Variants in TWSG1 observed in about 807,000 individuals in gnomAD.
TWSG1 encodes the protein twisted gastrulation protein homolog 1.
A neutral mutation model predicts 23.0 loss-of-function variants in TWSG1; 15 were observed. That is an observed-to-expected ratio of 0.65 (90% CI 0.44 to 1.00). The LOEUF is 1.00. Among genes scored for constraint, TWSG1 ranks in the 50% least tolerant of loss-of-function variants. TWSG1 has a pLI of 0.00. For synonymous variants in TWSG1, 86 were observed against 92.8 expected (o/e 0.93, Z 0.42); for missense variants, 242 against 278.7 (o/e 0.87, Z 0.94).
chr18:9,399,273 C>T, intron 4 of TWSG1, 73 bp from the exon 5 acceptor site: 1 of 1,015,532 alleles, frequency 9.8e-7, no homozygotes, highest in Non-Finnish European at 1.4e-6. Context: ...TAATATTCAA[C>T]TAGGTAATAA....
At chr18:9,388,367 G>A (rs2040695378) in intron 3 of TWSG1, 1 of 152,198 alleles carries the variant, frequency 6.6e-6, no homozygotes, top group South Asian at 2.1e-4. Flanking sequence ...GAACAAGGAA[G>A]TCCTACCATA....
rs1491456878 is a variant in TWSG1, at chr18:9,344,490, C to CGTGTGTGTGT, written c.123+7138_123+7139insGTGTGTGTGT. On this transcript the variant is annotated intron_variant, in intron 2 of 4. Coordinates refer to ENST00000262120, the MANE Select transcript of TWSG1 (RefSeq NM_020648.6). ...CATCTTTTTATGTGCTTAGTGAATG[C>CGTGTGTGTGT]ATGTGTGTGTGTGTGTGTGTGTGTG... Among the ~76,000 whole-genome samples the CGTGTGTGTGT allele has an allele frequency of 3.4e-3, 386 of 112,892 alleles. 25 individuals carry two copies. Among genetic ancestry groups the CGTGTGTGTGT allele is most frequent in the East Asian group, 0.017 (62 of 3,724 alleles). 74.1% of individuals were successfully genotyped at this position (112,892 alleles called of 152,430 possible). A position where few individuals can be genotyped will look rare whatever the true frequency, so the allele number is the denominator to read the frequency against.
chr18:9,337,106 G>A, intron 1 of TWSG1, 87 bp from the exon 2 acceptor site: 1 of 1,161,928 alleles, frequency 8.6e-7, no homozygotes, highest in Non-Finnish European at 1.2e-6. Flanking sequence ...CAAACAATGA[G>A]TCTTAGTTTA....
intron 3 of TWSG1, among the ~76,000 whole-genome samples, chr18:9,382,307 G>C (rs922766530): frequency 3.3e-5 from 5 of 151,940 alleles, no homozygotes; most frequent in African/African-American, 9.7e-5. Context: ...GCAGATACTT[G>C]AAGCCAGGAG....
intron 3 of TWSG1, among the ~76,000 whole-genome samples, chr18:9,379,605 C>A (rs2040647170): frequency 6.6e-6 from 1 of 152,094 alleles, no homozygotes; most frequent in Non-Finnish European, 1.5e-5. Context: ...GTACACCAAA[C>A]CCCTGAATCA....
At chr18:9,343,518 A>G (rs975050112) in intron 2 of TWSG1, among the ~76,000 whole-genome samples, 3 of 152,090 alleles carry the variant, frequency 2.0e-5, no homozygotes, top group Middle Eastern at 3.2e-3. Context: ...CATCACCACA[A>G]TCTAATTTCA....
intron 3 of TWSG1, among the ~76,000 whole-genome samples, chr18:9,367,988 C>T (rs1055225523): frequency 6.6e-6 from 1 of 152,160 alleles, no homozygotes; most frequent in Non-Finnish European, 1.5e-5. Context: ...GTGCAAACAT[C>T]TCTTTGACAT....
At chr18:9,394,925 C>T (rs1036588009) in intron 3 of TWSG1, among the ~76,000 whole-genome samples, 4 of 152,134 alleles carry the variant, frequency 2.6e-5, no homozygotes, top group Non-Finnish European at 1.5e-5. Flanking sequence ...TACAGCCCTC[C>T]AAATCAGGAA....
intron 2 of TWSG1, among the ~76,000 whole-genome samples, chr18:9,349,174 C>G (rs934993907): frequency 3.3e-5 from 5 of 152,016 alleles, no homozygotes; most frequent in African/African-American, 1.2e-4. Flanking sequence ...ATGGGATTTT[C>G]CTTTAAGAAG....
chr18:9,392,209 A>G (rs2040716119), intron 3 of TWSG1, among the ~76,000 whole-genome samples: 1 of 152,238 alleles, frequency 6.6e-6, no homozygotes, highest in African/African-American at 2.4e-5. Flanking sequence ...GCATCATCTT[A>G]CAATAGAAGG....
At chr18:9,391,235 A>G (rs986007685) in intron 3 of TWSG1, among the ~76,000 whole-genome samples, 1 of 152,218 alleles carries the variant, frequency 6.6e-6, no homozygotes, top group Non-Finnish European at 1.5e-5. Flanking sequence ...ATTCAGTCAC[A>G]TCCTCAGGCT....
chr18:9,356,514 A>C (rs923139121), intron 2 of TWSG1, among the ~76,000 whole-genome samples: 1 of 152,212 alleles, frequency 6.6e-6, no homozygotes, highest in Non-Finnish European at 1.5e-5. Flanking sequence ...ATTATTTGGC[A>C]TAATATACAG....
At chr18:9,352,898 T>C (rs2040508505) in intron 2 of TWSG1, among the ~76,000 whole-genome samples, 1 of 152,224 alleles carries the variant, frequency 6.6e-6, no homozygotes, top group Non-Finnish European at 1.5e-5. Context: ...AATTAATATC[T>C]GACCAGAGCA....
intron 3 of TWSG1, 97 bp downstream of exon 3, chr18:9,360,168 A>AACT: frequency 1.1e-6 from 1 of 898,876 alleles, no homozygotes. Context: ...TATGTGCATA[A>AACT]ACAAGTATGT....
chr18:9,376,624 T>G (rs2040631569), intron 3 of TWSG1, among the ~76,000 whole-genome samples: 1 of 152,096 alleles, frequency 6.6e-6, no homozygotes, highest in East Asian at 1.9e-4. Context: ...GGTGGATTGC[T>G]TGAGCCCAGG....
At chr18:9,356,712 G>A (rs1381369595) in intron 2 of TWSG1, among the ~76,000 whole-genome samples, 1 of 152,062 alleles carries the variant, frequency 6.6e-6, no homozygotes, top group Admixed American at 6.6e-5. Flanking sequence ...TCTGAGCATT[G>A]ACATGACATC....
At chr18:9,350,649 T>C (rs2040498303) in intron 2 of TWSG1, among the ~76,000 whole-genome samples, 1 of 152,258 alleles carries the variant, frequency 6.6e-6, no homozygotes, top group Admixed American at 6.5e-5. Context: ...GTAATTCATA[T>C]ATATACATGA....
chr18:9,396,296 A>G lies in TWSG1; in HGVS notation c.240A>G (p.Arg80=). Residue 80 remains arginine, a synonymous_variant, in exon 4 of 5, where the codon CGA becomes CGG. Coordinates refer to ENST00000262120, the MANE Select transcript of TWSG1 (RefSeq NM_020648.6). ...CCDCVGMCNP[R]NYSDTPPTSK... is the part of the protein sequence containing the mutation. ...CCAACCCAGGTATGTGTAATCCTCG[A>G]AATTATAGTGACACACCTCCAACTT... 6.2e-7 allele frequency: 1 copy of G among 1,614,154 alleles called. No homozygotes were observed. The highest frequency in any genetic ancestry group is 8.5e-7 in the Non-Finnish European group (1 of 1,180,016).
intron 2 of TWSG1, among the ~76,000 whole-genome samples, chr18:9,338,283 C>T (rs1469320216): frequency 2.6e-5 from 4 of 152,216 alleles, no homozygotes; most frequent in Admixed American, 2.0e-4. Context: ...GCCCCCATTT[C>T]GTACTCTGAT....
Sources: gnomAD v4.1 joint callset for allele counts (sites outside exome capture counted in the v4.1 genomes callset) on GRCh38, gnomAD v4.1.1 for gene constraint, MANE v1.5 for transcripts, NCBI Gene and HGNC (gene_info 2026-07-23, HGNC 2026-07-21) for gene names.